EXOC6B: variants seen among roughly 807,000 people sequenced by gnomAD.
The protein encoded by EXOC6B is exocyst complex component 6B.
In EXOC6B, 54 loss-of-function variants were observed where a neutral mutation model predicts 113.5. The ratio of observed to expected loss-of-function variants is 0.48; its 90% CI spans 0.38 to 0.60. The LOEUF is 0.60. Ranked by LOEUF, EXOC6B falls within the 20% of genes least tolerant of loss-of-function variation. The pLI is 0.00. For missense variants in EXOC6B, 797 were observed against 977.5 expected (o/e 0.82, Z 2.46); for synonymous variants, 357 against 339.0 (o/e 1.05, Z -0.58).
In EXOC6B at chr2:72,363,206, G is replaced by C. The variant is rs375315182; in HGVS notation, c.2122+16523C>G. Among the ~76,000 whole-genome samples the C allele has an allele frequency of 1.9e-4, 29 of 152,182 alleles. No homozygotes were observed. The South Asian group carries it at 4.4e-3, about 23-fold the overall frequency. On this transcript the variant is annotated intron_variant, in intron 19 of 21. Transcript: ENST00000272427. ...CATTATCAATTTTTAAAGGAAAAGT[G>C]ATGATTTCATCACACCTAGTAAATT...
intron 6 of EXOC6B, among the ~76,000 whole-genome samples, chr2:72,590,985 C>A (rs2103931842): frequency 6.6e-6 from 1 of 152,070 alleles, no homozygotes; most frequent in South Asian, 2.1e-4. Flanking sequence ...ATCTCTATTA[C>A]CTGTTCTGTA....
intron 6 of EXOC6B, among the ~76,000 whole-genome samples, chr2:72,664,332 G>A (rs1033763377): frequency 7.9e-5 from 12 of 152,112 alleles, no homozygotes; most frequent in Non-Finnish European, 1.0e-4. Context: ...GAAGAGTGGG[G>A]AAGCTAGGAT....
intron 19 of EXOC6B, among the ~76,000 whole-genome samples, chr2:72,352,812 G>A (rs996168108): frequency 2.0e-5 from 3 of 151,046 alleles, no homozygotes; most frequent in South Asian, 2.1e-4. Context: ...ACTTCTTGTA[G>A]ACCTGTGTAG....
chr2:72,438,308 T>C (rs977402587), intron 18 of EXOC6B, among the ~76,000 whole-genome samples: 19 of 148,454 alleles, frequency 1.3e-4, no homozygotes, highest in Admixed American at 1.1e-3. Context: ...TCAATCTTTG[T>C]GGAAAAAAAA....
rs766924660 is a variant in EXOC6B at position 72,825,752 on chromosome 2, C to G, written c.113+46G>C. 7 of 1,582,066 alleles carry G rather than the reference C, an allele frequency of 4.4e-6. No homozygotes were observed. Among genetic ancestry groups the G allele is most frequent in the Non-Finnish European group, 2.6e-6 (3 of 1,166,828 alleles). On this transcript the variant is annotated intron_variant, in intron 1 of 21. Coordinates refer to ENST00000272427, the MANE Select transcript of EXOC6B (RefSeq NM_015189.3). The surrounding 1 kb of genome is among the most constrained non-coding windows in gnomAD (Gnocchi z 4.4). ...AGGCCCGACCCAGAGGAGCCTGCCC[C>G]GTCCCGCCCGTTCCCGCCCCTCTGT...
intron 7 of EXOC6B, among the ~76,000 whole-genome samples, chr2:72,569,947 A>C (rs1704418536): frequency 6.6e-6 from 1 of 152,190 alleles, no homozygotes; most frequent in South Asian, 2.1e-4. Flanking sequence ...TTCTAAAATA[A>C]ATCTTTTTTG....
intron 6 of EXOC6B, among the ~76,000 whole-genome samples, chr2:72,626,231 G>T (rs761395027): frequency 6.6e-6 from 1 of 152,022 alleles, no homozygotes; most frequent in Non-Finnish European, 1.5e-5. Context: ...GAAGTGAAAG[G>T]CTCTTTCAGC....
At chr2:72,370,901 T>C (rs1690965386) in intron 19 of EXOC6B, among the ~76,000 whole-genome samples, 1 of 151,734 alleles carries the variant, frequency 6.6e-6, no homozygotes, top group South Asian at 2.1e-4. Flanking sequence ...CTAATGTAAA[T>C]GACAAGTTAA....
In EXOC6B at chr2:72,207,155, T is replaced by C. The variant is rs554335678; in HGVS notation, c.2197-22968A>G. Among the ~76,000 whole-genome samples the C allele has an allele frequency of 2.0e-5, 3 of 152,360 alleles. No homozygotes were observed. The East Asian group carries it at 5.8e-4, about 29-fold the overall frequency. Reference sequence around the variant, plus strand: ...ATTTTAAAGACTTCACAGAATCTATTTTTAACAGCTATATACCGTACTAAC... The same window carrying C: ...ATTTTAAAGACTTCACAGAATCTATCTTTAACAGCTATATACCGTACTAAC... On this transcript the variant is annotated intron_variant, in intron 20 of 21. Coordinates refer to ENST00000272427, the MANE Select transcript of EXOC6B (RefSeq NM_015189.3).
intron 19 of EXOC6B, among the ~76,000 whole-genome samples, chr2:72,355,753 T>C (rs758823112): frequency 1.3e-5 from 2 of 152,220 alleles, no homozygotes; most frequent in African/African-American, 2.4e-5. Context: ...AGGTAAGGGA[T>C]TGAAAATTAT....
intron 6 of EXOC6B, among the ~76,000 whole-genome samples, chr2:72,601,093 T>G (rs187061046): frequency 1.9e-4 from 29 of 151,938 alleles, no homozygotes; most frequent in African/African-American, 7.0e-4. Context: ...TATAGACTTG[T>G]ATGGCTACAT....
At chr2:72,507,435 T>C (rs543813569) in intron 11 of EXOC6B, among the ~76,000 whole-genome samples, 1 of 152,102 alleles carries the variant, frequency 6.6e-6, no homozygotes, top group Non-Finnish European at 1.5e-5. Flanking sequence ...AAGTACATAA[T>C]TGAATAGTTT....
chr2:72,216,832 A>G (rs1680565393), intron 20 of EXOC6B, among the ~76,000 whole-genome samples: 1 of 152,254 alleles, frequency 6.6e-6, no homozygotes, highest in East Asian at 1.9e-4. Context: ...GTTCTCATTC[A>G]TAAGTGGGAC....
chr2:72,565,270 G>C (rs10173988), intron 7 of EXOC6B, among the ~76,000 whole-genome samples: 10,557 of 149,104 alleles, frequency 0.071, 1,246 homozygotes, highest in African/African-American at 0.25. Flanking sequence ...AGGATCGCTT[G>C]AGCCTGGGAG....
At position 72,437,272 on chromosome 2, in the gene EXOC6B, T is replaced by C. The variant is rs113830143; in HGVS notation, c.1980+27888A>G. On this transcript the variant is annotated intron_variant, in intron 18 of 21. Coordinates refer to ENST00000272427, the MANE Select transcript of EXOC6B (RefSeq NM_015189.3). ...GCTGCCTGCTCCTTCTGTTGGAAGC[T>C]TTGTCCCAGAGGGGCACCTGCCCAA... is the stretch of plus-strand genomic sequence containing the variant. Among the ~76,000 whole-genome samples, 700 of 152,326 alleles carry C rather than the reference T, an allele frequency of 4.6e-3. 1 individual carries two copies. The highest frequency in any genetic ancestry group is 8.2e-3 in the Non-Finnish European group (555 of 68,030).
rs369163882 is a variant in EXOC6B at position 72,663,952 on chromosome 2, G to A, written c.669+54151C>T. Among the ~76,000 whole-genome samples the A allele has an allele frequency of 1.5e-4, 23 of 152,260 alleles. 2 individuals carry two copies. The highest frequency in any genetic ancestry group is 4.6e-4 in the African/African-American group (19 of 41,558). On this transcript the variant is annotated intron_variant, in intron 6 of 21. Transcript: ENST00000272427. ...GGGGAAACTGCCTCAGGGTGAAGGTGAAGGGGTATTTGAGAACTCTGTACT... is the reference window on the plus strand; with the variant it reads ...GGGGAAACTGCCTCAGGGTGAAGGTAAAGGGGTATTTGAGAACTCTGTACT...
intron 6 of EXOC6B, among the ~76,000 whole-genome samples, chr2:72,614,754 A>T (rs1671285875): frequency 6.6e-6 from 1 of 152,198 alleles, no homozygotes; most frequent in South Asian, 2.1e-4. Context: ...TACAAGGACA[A>T]ATTCTAGGAG....
intron 20 of EXOC6B, among the ~76,000 whole-genome samples, chr2:72,297,242 T>C (rs1171103134): frequency 6.6e-6 from 1 of 152,174 alleles, no homozygotes; most frequent in Admixed American, 6.5e-5. Flanking sequence ...TGTGAAGGTT[T>C]ATTATATAGG....
chr2:72,586,150 A>G (rs554815746), intron 6 of EXOC6B, among the ~76,000 whole-genome samples: 1 of 152,306 alleles, frequency 6.6e-6, no homozygotes, highest in East Asian at 1.9e-4. Context: ...AAATGCTAGA[A>G]GAAAACCTAG....
Sources: allele counts gnomAD v4.1 joint callset (sites outside exome capture counted in the v4.1 genomes callset), GRCh38; gene constraint gnomAD v4.1.1; non-coding constraint Gnocchi (gnomAD v3.1); transcripts MANE v1.5; gene names NCBI Gene and HGNC (gene_info 2026-07-23, HGNC 2026-07-21).